The following LRRK1 variants were observed in gnomAD, a reference collection of about 807,000 sequenced individuals.
LRRK1 encodes leucine rich repeat kinase 1.
Under a neutral mutation model 209.1 loss-of-function variants are expected in LRRK1, and 113 were observed. The observed-to-expected ratio is 0.54, with a 90% confidence interval of 0.46 to 0.63. LRRK1 has a LOEUF of 0.63. Ranked by LOEUF, LRRK1 falls within the 30% of genes least tolerant of loss-of-function variation. LRRK1 has a pLI of 0.00. For missense variants in LRRK1, 2,284 were observed against 2,632.2 expected (o/e 0.87, Z 2.89); for synonymous variants, 1,144 against 1,099.7 (o/e 1.04, Z -0.80).
At chr15:100,991,113 T>C (rs1002403436) in intron 6 of LRRK1, among the ~76,000 whole-genome samples, 4 of 152,246 alleles carry the variant, frequency 2.6e-5, no homozygotes, top group African/African-American at 9.6e-5. Context: ...CTCATCTGAA[T>C]TGAGATGTCA....
At chr15:100,932,268 G>A (rs2042226583) in intron 2 of LRRK1, among the ~76,000 whole-genome samples, 1 of 152,162 alleles carries the variant, frequency 6.6e-6, no homozygotes, top group African/African-American at 2.4e-5. Context: ...TTACAGGCGT[G>A]AGCCACAGCA....
rs1460537451 is a variant in LRRK1, at chr15:101,024,740, T to C, written c.2068-63T>C. ...CCTCCAGAGTTATCCGTTGTCTCCG[T>C]TTGATTGACTGAAGCCTTTGTCTCT... On this transcript the variant is annotated intron_variant, in intron 15 of 33. Transcript: ENST00000388948. This position sits in a 1 kb window ranked among gnomAD's most constrained non-coding sequence, Gnocchi z 4.6. 12 of 1,549,218 alleles carry C rather than the reference T, an allele frequency of 7.7e-6. No homozygotes were observed. In the Admixed American group the frequency reaches 1.9e-4, roughly 25 times the overall value.
At chr15:100,989,493 T>C in intron 6 of LRRK1, 95 bp downstream of exon 6, 1 of 1,351,716 alleles carries the variant, frequency 7.4e-7, no homozygotes, top group Non-Finnish European at 1.0e-6. Context: ...AACAGAAATA[T>C]ATTTGGCTTA....
Position 101,024,773 on chromosome 15 carries a change from C to T in LRRK1, c.2068-30C>T, listed in dbSNP as rs775848894. ...ACTGAAGCCTTTGTCTCTAAAATGCCTCCCTGTCGCTGCCTTGTTGCTCAA... is the reference window on the plus strand; with the variant it reads ...ACTGAAGCCTTTGTCTCTAAAATGCTTCCCTGTCGCTGCCTTGTTGCTCAA... On this transcript the variant is annotated intron_variant, in intron 15 of 33. Transcript: ENST00000388948. The surrounding 1 kb of genome is among the most constrained non-coding windows in gnomAD (Gnocchi z 4.6). 1 of 1,599,090 alleles carries T rather than the reference C, an allele frequency of 6.3e-7. No individual in the cohort carries two copies. The highest frequency in any genetic ancestry group is 8.6e-7 in the Non-Finnish European group (1 of 1,168,054).
intron 20 of LRRK1, chr15:101,044,133 C>T (rs2034919430): frequency 6.6e-6 from 1 of 152,252 alleles, no homozygotes. Context: ...GCTGGGATCC[C>T]TGGATCTGTG....
At chr15:101,050,012 A>G (rs1764726305) in intron 23 of LRRK1, among the ~76,000 whole-genome samples, 2 of 152,110 alleles carry the variant, frequency 1.3e-5, no homozygotes, top group Non-Finnish European at 2.9e-5. Context: ...GGGAATGTGC[A>G]GGGAAGCGGC....
chr15:101,014,261 C>G (rs1381901109), intron 10 of LRRK1, 55 bp from the exon 11 acceptor site: 1 of 1,273,304 alleles, frequency 7.9e-7, no homozygotes, highest in Non-Finnish European at 1.1e-6. Flanking sequence ...AGTCTCCCCT[C>G]CCTTCTTGTA....
At chr15:101,046,531 C>T (rs980955161) in intron 21 of LRRK1, among the ~76,000 whole-genome samples, 4 of 152,166 alleles carry the variant, frequency 2.6e-5, no homozygotes, top group African/African-American at 9.7e-5. Flanking sequence ...GAGGTGATGC[C>T]GCCGGCCCAG....
intron 33 of LRRK1, among the ~76,000 whole-genome samples, chr15:101,067,034 C>T (rs919546863): frequency 2.0e-5 from 3 of 152,202 alleles, no homozygotes; most frequent in African/African-American, 7.2e-5. Flanking sequence ...CAGCTGCAAT[C>T]GACATGCAGA....
In LRRK1 at chr15:101,012,120, T is replaced by A; in HGVS notation, c.1394T>A (p.Val465Asp). 6.2e-7 allele frequency: 1 copy of A among 1,611,436 alleles called. No homozygotes were observed. The highest frequency in any genetic ancestry group is 8.5e-7 in the Non-Finnish European group (1 of 1,179,366). Residue 465 changes from valine (V) to aspartate (D), a missense_variant, in exon 10 of 34, where the codon GTT becomes GAT. Physicochemically the swap from Val to Asp is radical, Grantham distance 152 (BLOSUM62 -3). Coordinates refer to ENST00000388948, the MANE Select transcript of LRRK1 (RefSeq NM_024652.6). ...VDFSENALKE[V>D]PLGLFQLDAL... ...TTCTCAGAAAACGCACTCAAAGAAG[T>A]TCCCCTGGGACTTTTCCAGCTTGAT...
intron 6 of LRRK1, among the ~76,000 whole-genome samples, chr15:101,005,426 G>A (rs1056587820): frequency 4.6e-5 from 7 of 152,146 alleles, no homozygotes; most frequent in African/African-American, 1.7e-4. Context: ...GAGTGATACA[G>A]TCGTGAATTG....
chr15:100,971,860 T>C (rs1324610033), intron 2 of LRRK1, among the ~76,000 whole-genome samples: 2 of 152,296 alleles, frequency 1.3e-5, no homozygotes. Context: ...AATTTTTAGC[T>C]CCCACAAATA....
intron 12 of LRRK1, among the ~76,000 whole-genome samples, chr15:101,019,549 C>T (rs1002831751): frequency 2.0e-5 from 3 of 152,134 alleles, no homozygotes; most frequent in Non-Finnish European, 4.4e-5. Flanking sequence ...ATTCCATTAT[C>T]GGCTCTCCCT....
At chr15:101,042,966 A>G (rs1160628127) in intron 20 of LRRK1, among the ~76,000 whole-genome samples, 1 of 152,162 alleles carries the variant, frequency 6.6e-6, no homozygotes, top group Non-Finnish European at 1.5e-5. Context: ...ACGAGGGGTG[A>G]GACCTGCCAT....
At chr15:101,008,504 G>A (rs575404401) in intron 6 of LRRK1, among the ~76,000 whole-genome samples, 1 of 152,256 alleles carries the variant, frequency 6.6e-6, no homozygotes, top group Middle Eastern at 3.4e-3. Flanking sequence ...CTCTGTACGT[G>A]GACAATCCCG....
At position 100,992,956 on chromosome 15, in the gene LRRK1, C is replaced by T. The variant is rs375747487; in HGVS notation, c.762+3558C>T. 7.9e-5 allele frequency among the ~76,000 whole-genome samples: 12 copies of T among 152,228 alleles called. No individual in the cohort carries two copies. The East Asian group carries it at 1.7e-3, about 22-fold the overall frequency. ...GATTACAGGCATGAGCCACCGTGCC[C>T]GGCCCATATGTTCTTTTTTGAGAGT... On this transcript the variant is annotated intron_variant, in intron 6 of 33. Transcript: ENST00000388948.
chr15:101,063,530 C>G (rs1204174895), intron 31 of LRRK1, among the ~76,000 whole-genome samples: 1 of 152,200 alleles, frequency 6.6e-6, no homozygotes, highest in Non-Finnish European at 1.5e-5. Flanking sequence ...GATTCAGGCA[C>G]GGCTCAGCCA....
chr15:100,953,526 A>AGACACACACATATGTATATGTC, intron 2 of LRRK1, among the ~76,000 whole-genome samples: 1 of 150,762 alleles, frequency 6.6e-6, no homozygotes, highest in Non-Finnish European at 1.5e-5. Flanking sequence ...ATATATATAT[A>AGACACACACATATGTATATGTC]TATATATACA....
At position 101,015,405 on chromosome 15, in the gene LRRK1, G is replaced by A; in HGVS notation, c.1609+3G>A. 6.2e-7 allele frequency: 1 copy of A among 1,611,310 alleles called. No homozygotes were observed. Among genetic ancestry groups the A allele is most frequent in the Non-Finnish European group, 8.5e-7 (1 of 1,178,244 alleles). On this transcript the variant is annotated splice_donor_region_variant and intron_variant, in intron 12 of 33. Coordinates refer to ENST00000388948, the MANE Select transcript of LRRK1 (RefSeq NM_024652.6). ...CCAGCGCTCCGGGACTGAGGCAGGT[G>A]TGTGTGGGTTGGGAGACGGTGTTCC...
Sources: gnomAD v4.1 joint callset for allele counts (sites outside exome capture counted in the v4.1 genomes callset) on GRCh38, gnomAD v4.1.1 for gene constraint, Gnocchi (gnomAD v3.1) non-coding constraint, MANE v1.5 for transcripts, NCBI Gene and HGNC (gene_info 2026-07-23, HGNC 2026-07-21) for gene names.